DRC8: variants seen among roughly 807,000 people sequenced by gnomAD.
DRC8 encodes dynein regulatory complex subunit 8.
At chr1:244,987,604 T>A in the DRC8 span, among the ~76,000 whole-genome samples, 1 of 151,150 alleles carries the variant, frequency 6.6e-6, no homozygotes, top group Non-Finnish European at 1.5e-5. Context: ...CTCTCTCCCC[T>A]GACCCCCCCA....
chr1:245,083,197 G>T, the DRC8 span, among the ~76,000 whole-genome samples: 1 of 151,886 alleles, frequency 6.6e-6, no homozygotes, highest in African/African-American at 2.4e-5. Flanking sequence ...ATAGGAATGC[G>T]AACCCTATTG....
At chr1:244,985,401 A>G in the DRC8 span, among the ~76,000 whole-genome samples, 391 of 152,324 alleles carry the variant, frequency 2.6e-3, 2 homozygotes, top group African/African-American at 8.9e-3. Context: ...AGCCTGTCCC[A>G]TGTGGTGGTA....
chr1:245,103,161 C>T, the DRC8 span, among the ~76,000 whole-genome samples: 2 of 130,282 alleles, frequency 1.5e-5, no homozygotes, highest in Admixed American at 7.4e-5. Context: ...GTGAGGCTGA[C>T]GAGGATCAGA....
the DRC8 span, among the ~76,000 whole-genome samples, chr1:245,115,914 T>G: frequency 6.8e-6 from 1 of 146,946 alleles, no homozygotes; most frequent in Admixed American, 6.8e-5. Flanking sequence ...TGAGACAGGG[T>G]CTCACTCTGT....
the DRC8 span, among the ~76,000 whole-genome samples, chr1:244,982,932 T>A: frequency 6.6e-6 from 1 of 151,756 alleles, no homozygotes. Flanking sequence ...TAGCCAGGTG[T>A]GGTGGTGGGT....
At chr1:245,008,930 C>T in the DRC8 span, among the ~76,000 whole-genome samples, 1 of 151,970 alleles carries the variant, frequency 6.6e-6, no homozygotes, top group Admixed American at 6.6e-5. Flanking sequence ...TCAAGCAGTG[C>T]CCCCAGCCTG....
the DRC8 span, among the ~76,000 whole-genome samples, chr1:245,118,363 G>A: frequency 1.3e-5 from 2 of 152,226 alleles, no homozygotes; most frequent in African/African-American, 2.4e-5. Flanking sequence ...AGGTGAGGTT[G>A]TGGCTTCCTG....
chr1:244,979,582 A>C, the DRC8 span, among the ~76,000 whole-genome samples: 3 of 151,700 alleles, frequency 2.0e-5, no homozygotes, highest in Non-Finnish European at 4.4e-5. Flanking sequence ...CTAGGATTAC[A>C]GGTGTGAGCC....
chr1:245,084,016 G>A, the DRC8 span, among the ~76,000 whole-genome samples: 1 of 145,876 alleles, frequency 6.9e-6, no homozygotes, highest in Non-Finnish European at 1.5e-5. Context: ...TGTAAATGAA[G>A]GCCTCTTCCT....
At chr1:245,041,168 C>T in the DRC8 span, among the ~76,000 whole-genome samples, 1 of 152,016 alleles carries the variant, frequency 6.6e-6, no homozygotes, top group Non-Finnish European at 1.5e-5. Context: ...CAGGGGAGAG[C>T]AAATATAAAG....
chr1:245,029,810 G>T, the DRC8 span, among the ~76,000 whole-genome samples: 20 of 151,960 alleles, frequency 1.3e-4, no homozygotes, highest in African/African-American at 4.8e-4. Flanking sequence ...TGGCCAGGCT[G>T]GTCTCGAACT....
the DRC8 span, among the ~76,000 whole-genome samples, chr1:245,006,360 G>A: frequency 6.6e-6 from 1 of 152,056 alleles, no homozygotes; most frequent in African/African-American, 2.4e-5. Context: ...CTCCCAGCCT[G>A]GAGTGCAATG....
At chr1:245,051,233 A>G in the DRC8 span, among the ~76,000 whole-genome samples, 1 of 151,984 alleles carries the variant, frequency 6.6e-6, no homozygotes, top group Non-Finnish European at 1.5e-5. Flanking sequence ...CTATTAAGAA[A>G]AAAAAAAAAT....
chr1:244,977,455 T>C, the DRC8 span, among the ~76,000 whole-genome samples: 1 of 151,888 alleles, frequency 6.6e-6, no homozygotes. Flanking sequence ...GAGGCTGAGG[T>C]AGGAGGATTA....
chr1:245,093,898 C>G, the DRC8 span, among the ~76,000 whole-genome samples: 2 of 152,250 alleles, frequency 1.3e-5, no homozygotes, highest in South Asian at 4.1e-4. Context: ...ATTAAGTTTT[C>G]AGCTATTAGT....
At chr1:245,086,829 C>T in the DRC8 span, 5 of 533,746 alleles carry the variant, frequency 9.4e-6, no homozygotes, top group Non-Finnish European at 1.9e-5. Context: ...GAGAGGCAGC[C>T]AGCATGTGGA....
At chr1:244,969,757 G>A in the DRC8 span, 1 of 212,628 alleles carries the variant, frequency 4.7e-6, no homozygotes, top group East Asian at 1.2e-4. Context: ...TTTTAGCTTC[G>A]GTTGTCATAG....
chr1:244,972,961 CTAAG>C, the DRC8 span, among the ~76,000 whole-genome samples: 12 of 152,176 alleles, frequency 7.9e-5, no homozygotes, highest in South Asian at 6.2e-4. Context: ...AGAGGATAAA[CTAAG>C]TAGAGACTCA....
chr1:245,103,988 C>G, the DRC8 span, among the ~76,000 whole-genome samples: 3 of 152,062 alleles, frequency 2.0e-5, no homozygotes, highest in African/African-American at 4.8e-5. Context: ...CGGAATACGC[C>G]GAGCCAGCGA....
Sources: allele counts gnomAD v4.1 joint callset (sites outside exome capture counted in the v4.1 genomes callset), GRCh38; gene constraint gnomAD v4.1.1; transcripts MANE v1.5; gene names NCBI Gene and HGNC (gene_info 2026-07-23, HGNC 2026-07-21).